GRM7: variants seen among roughly 807,000 people sequenced by gnomAD.
GRM7 encodes the protein metabotropic glutamate receptor 7.
A neutral mutation model predicts 84.5 loss-of-function variants in GRM7; 35 were observed. The observed-to-expected ratio is 0.41, with a 90% CI of 0.32 to 0.55. The LOEUF (loss-of-function observed/expected upper bound fraction) is 0.55. GRM7 is among the 20% of genes least tolerant of loss of function. GRM7 has a pLI of 0.19. For synonymous variants in GRM7, 487 were observed against 455.1 expected, an observed-to-expected ratio of 1.07 and a Z score of -0.89; for missense variants, 1,003 against 1,194.6, an observed-to-expected ratio of 0.84 and a Z score of 2.36.
intron 9 of GRM7, among the ~76,000 whole-genome samples, chr3:7,692,439 C>CAAAACTTCTCAGAGATCTT (rs1700842320): frequency 6.6e-6 from 1 of 152,118 alleles, no homozygotes; most frequent in African/African-American, 2.4e-5. Flanking sequence ...AATCAATTAA[C>CAAAACTTCTCAGAGATCTT]AAAACTTCTC....
chr3:7,329,704 A>C (rs538886622), intron 4 of GRM7, among the ~76,000 whole-genome samples: 2 of 152,112 alleles, frequency 1.3e-5, no homozygotes, highest in African/African-American at 2.4e-5. Context: ...CTATGATTTC[A>C]TGGCTGTTCA....
At chr3:7,687,112 C>A (rs1379796444) in intron 9 of GRM7, among the ~76,000 whole-genome samples, 7 of 151,192 alleles carry the variant, frequency 4.6e-5, no homozygotes, top group Admixed American at 6.6e-5. Flanking sequence ...AGTCATCACA[C>A]AAAAGCAGAA....
chr3:6,966,239 A>G (rs1438517678), intron 1 of GRM7, among the ~76,000 whole-genome samples: 1 of 152,210 alleles, frequency 6.6e-6, no homozygotes, highest in Non-Finnish European at 1.5e-5. Context: ...CTTCCTTATC[A>G]GACCACATAA....
At chr3:6,900,895 C>G (rs1266569168) in intron 1 of GRM7, among the ~76,000 whole-genome samples, 1 of 152,168 alleles carries the variant, frequency 6.6e-6, no homozygotes, top group African/African-American at 2.4e-5. Flanking sequence ...TTTACAAGAT[C>G]CAGTGCAACA....
At chr3:7,433,504 AAG>A (rs1696918171) in intron 5 of GRM7, among the ~76,000 whole-genome samples, 1 of 152,216 alleles carries the variant, frequency 6.6e-6, no homozygotes. Flanking sequence ...GGCCAGGTAG[AAG>A]GGTATGTGGT....
At chr3:7,071,095 C>A (rs534981407) in intron 1 of GRM7, among the ~76,000 whole-genome samples, 3 of 152,116 alleles carry the variant, frequency 2.0e-5, no homozygotes, top group African/African-American at 7.2e-5. Context: ...CTGAGGTGAA[C>A]AAAACTCCTT....
intron 4 of GRM7, among the ~76,000 whole-genome samples, chr3:7,391,792 G>A (rs537568282): frequency 3.3e-5 from 5 of 151,960 alleles, no homozygotes; most frequent in Non-Finnish European, 7.4e-5. Context: ...GCAGGTAGAG[G>A]TCAGGGGAGA....
chr3:7,489,457 G>C (rs1335129773), intron 7 of GRM7, among the ~76,000 whole-genome samples: 1 of 152,132 alleles, frequency 6.6e-6, no homozygotes, highest in African/African-American at 2.4e-5. Flanking sequence ...GCTAATAGGA[G>C]GCAGTGTTAG....
intron 9 of GRM7, among the ~76,000 whole-genome samples, chr3:7,720,810 G>A (rs887505181): frequency 1.3e-5 from 2 of 152,226 alleles, no homozygotes; most frequent in Admixed American, 6.5e-5. Flanking sequence ...TTTGTTGAAT[G>A]AGAATTACCT....
chr3:7,341,856 G>A (rs183555011), intron 4 of GRM7, among the ~76,000 whole-genome samples: 1 of 152,130 alleles, frequency 6.6e-6, no homozygotes, highest in East Asian at 1.9e-4. Flanking sequence ...AAAATGAGCT[G>A]GAACCTGAAC....
rs1697539098 is a variant in GRM7, at chr3:7,241,001, C to A, written c.737-57683C>A. ...TAGCCTATGTATGTAATAGACGATG[C>A]CATCTAGGATTGTGTAACTCTACTC... is the stretch of plus-strand genomic sequence containing the variant. On this transcript the variant is annotated intron_variant, in intron 2 of 9. Transcript: ENST00000357716. Among the ~76,000 whole-genome samples the A allele has an allele frequency of 2.6e-5, 4 of 152,058 alleles. No homozygotes were observed. The South Asian group carries it at 8.3e-4, about 32-fold the overall frequency.
In GRM7 at chr3:7,317,826, G is replaced by A. The variant is rs190508707; in HGVS notation, c.1033+11174G>A. Among the ~76,000 whole-genome samples the A allele has an allele frequency of 1.5e-3, 230 of 151,958 alleles. 1 individual carries two copies. Among genetic ancestry groups the A allele is most frequent in the African/African-American group, 5.3e-3 (219 of 41,490 alleles). On this transcript the variant is annotated intron_variant, in intron 4 of 9. Coordinates refer to ENST00000357716, the MANE Select transcript of GRM7 (RefSeq NM_000844.4). ...TGAAAGACTGCTGTCAAGAAGAAGA[G>A]GTGAGGGAATAAAGAGAAGGAATTA... is the stretch of plus-strand genomic sequence containing the variant.
intron 4 of GRM7, among the ~76,000 whole-genome samples, chr3:7,363,738 ATGATTCAC>A (rs1363141898): frequency 6.6e-6 from 1 of 152,116 alleles, no homozygotes; most frequent in African/African-American, 2.4e-5. Context: ...ACCCTGTCAA[ATGATTCAC>A]TCCACCGGCA....
At position 7,578,900 on chromosome 3, in the gene GRM7, G is replaced by A. The variant is rs1300676512; in HGVS notation, c.1994G>A (p.Gly665Asp). Residue 665 changes from glycine to aspartate, a missense_variant, in exon 8 of 10, where the codon GGT (glycine) becomes GAT (aspartate). Gly to Asp is a moderately conservative substitution (Grantham distance 94). This residue lies in a region of GRM7 where 910 missense variants were observed against 1,126.0 expected (regional missense o/e 0.81). Coordinates refer to ENST00000357716, the MANE Select transcript of GRM7 (RefSeq NM_000844.4). ...CSFRRVFLGL[G>D]MCISYAALLT... ...TTCCGGCGAGTTTTCTTGGGCTTGGGTATGTGCATCAGTTATGCAGCCCTC... is the reference window on the plus strand; with the variant it reads ...TTCCGGCGAGTTTTCTTGGGCTTGGATATGTGCATCAGTTATGCAGCCCTC... 6.2e-7 allele frequency: 1 copy of A among 1,614,126 alleles called. No individual in the cohort carries two copies. Among genetic ancestry groups the A allele is most frequent in the Non-Finnish European group, 8.5e-7 (1 of 1,180,024 alleles).
intron 4 of GRM7, among the ~76,000 whole-genome samples, chr3:7,391,387 G>T (rs890468369): frequency 7.2e-5 from 11 of 152,210 alleles, no homozygotes; most frequent in Non-Finnish European, 1.5e-4. Flanking sequence ...CCATAAAAAA[G>T]GATGAGTTCA....
At chr3:7,690,157 A>G (rs938783672) in intron 9 of GRM7, among the ~76,000 whole-genome samples, 8 of 152,126 alleles carry the variant, frequency 5.3e-5, no homozygotes, top group Admixed American at 5.2e-4. Context: ...ACGTGAGGCT[A>G]TTGGGCTTTG....
intron 7 of GRM7, among the ~76,000 whole-genome samples, chr3:7,543,388 C>G (rs1559391910): frequency 6.6e-6 from 1 of 152,184 alleles, no homozygotes; most frequent in Non-Finnish European, 1.5e-5. Flanking sequence ...TATCAGAAAG[C>G]AAAGATATAA....
chr3:7,319,842 C>G lies in GRM7; in HGVS notation c.1033+13190C>G, dbSNP rs547821459. Among the ~76,000 whole-genome samples the G allele has an allele frequency of 3.3e-3, 501 of 151,992 alleles. 4 individuals carry two copies. Among genetic ancestry groups the G allele is most frequent in the South Asian group, 0.02 (94 of 4,818 alleles). On this transcript the variant is annotated intron_variant, in intron 4 of 9. Transcript: ENST00000357716. Reference sequence around the variant, plus strand: ...GTTGCCTTTGATTATTATTGTTAAACTTTTTCTTGAAGTATAATTAGCATA... The same window carrying G: ...GTTGCCTTTGATTATTATTGTTAAAGTTTTTCTTGAAGTATAATTAGCATA...
At chr3:7,217,645 A>G (rs1393081018) in intron 2 of GRM7, among the ~76,000 whole-genome samples, 1 of 150,930 alleles carries the variant, frequency 6.6e-6, no homozygotes, top group Non-Finnish European at 1.5e-5. Flanking sequence ...GCATTATAAA[A>G]TCTTTCCAAT....
Sources: allele counts gnomAD v4.1 joint callset (sites outside exome capture counted in the v4.1 genomes callset), GRCh38; gene constraint gnomAD v4.1.1; regional missense constraint gnomAD v4.1.1; transcripts MANE v1.5; gene names NCBI Gene and HGNC (gene_info 2026-07-23, HGNC 2026-07-21).